HTR2A: variants seen among roughly 807,000 people sequenced by gnomAD.
The protein encoded by HTR2A is 5-HT2 receptor.
Under a neutral mutation model 31.0 loss-of-function variants are expected in HTR2A, and 14 were observed. The ratio of observed to expected loss-of-function variants is 0.45; its 90% CI spans 0.30 to 0.71. HTR2A has a LOEUF of 0.71. Among genes scored for constraint, HTR2A ranks in the 30% least tolerant of loss-of-function variants. HTR2A has a pLI of 0.09. For missense variants in HTR2A, 442 were observed against 573.3 expected (o/e 0.77, Z 2.34); for synonymous variants, 209 against 225.2 (o/e 0.93, Z 0.64).
chr13:46,888,229 C>T (rs1951025111), intron 3 of HTR2A, among the ~76,000 whole-genome samples: 1 of 152,108 alleles, frequency 6.6e-6, no homozygotes, highest in African/African-American at 2.4e-5. Context: ...AGAGTTTTGT[C>T]AAAGTGGCCA....
intron 3 of HTR2A, among the ~76,000 whole-genome samples, chr13:46,850,940 C>A (rs192286751): frequency 6.6e-6 from 1 of 152,156 alleles, no homozygotes; most frequent in Non-Finnish European, 1.5e-5. Context: ...GTGTCCCGTA[C>A]CTGTGCTGAT....
intron 3 of HTR2A, among the ~76,000 whole-genome samples, chr13:46,842,959 C>T (rs1273749770): frequency 6.6e-6 from 1 of 152,132 alleles, no homozygotes; most frequent in Admixed American, 6.5e-5. Context: ...CAGAAATAAA[C>T]AATTCGTAAG....
At position 46,865,164 on chromosome 13, in the gene HTR2A, C is replaced by T. The variant is rs918723634; in HGVS notation, c.613+27226G>A. Among the ~76,000 whole-genome samples, 5 of 152,254 alleles carry T rather than the reference C, an allele frequency of 3.3e-5. No homozygotes were observed. In the East Asian group the frequency reaches 9.6e-4, roughly 29 times the overall value. The stretch of plus-strand genomic sequence containing the variant: ...CCTAGAACATGTTTTGCCACCCTTC[C>T]TCACTCACTTCCTGGTATTATCACT... On this transcript the variant is annotated intron_variant, in intron 3 of 3. Transcript: ENST00000542664.
chr13:46,831,662 C>G lies in HTR2A; in HGVS notation c.*3175G>C, dbSNP rs1391660293. 6.6e-6 allele frequency: 1 copy of G among 152,180 alleles called. No individual in the cohort carries two copies. The allele number at this position is 152,180 out of a possible 1,614,324, so 9.4% of individuals were successfully genotyped here. A position where few individuals can be genotyped will look rare whatever the true frequency, so the allele number is the denominator to read the frequency against. ...TTCACTGTATTTGTTACATATGGCA[C>G]AGAATAATTTAGCACTTTATAAATA... On this transcript the variant is annotated 3_prime_UTR_variant, in exon 4 of 4. Transcript: ENST00000542664.
At chr13:46,890,459 T>C (rs145797519) in intron 3 of HTR2A, among the ~76,000 whole-genome samples, 15 of 152,370 alleles carry the variant, frequency 9.8e-5, no homozygotes, top group African/African-American at 3.4e-4. Context: ...GGCTATCTTT[T>C]GTGCAGTGGA....
At chr13:46,857,905 T>C (rs1233545855) in intron 3 of HTR2A, among the ~76,000 whole-genome samples, 1 of 152,190 alleles carries the variant, frequency 6.6e-6, no homozygotes, top group East Asian at 1.9e-4. Context: ...TAAATGACTT[T>C]AAGCAGAGAA....
chr13:46,885,327 C>G (rs936435641), intron 3 of HTR2A, among the ~76,000 whole-genome samples: 2 of 152,252 alleles, frequency 1.3e-5, no homozygotes, highest in African/African-American at 4.8e-5. Flanking sequence ...GAGAGTTTAT[C>G]ACTCTACTTG....
chr13:46,861,197 C>T (rs1950775848), intron 3 of HTR2A, among the ~76,000 whole-genome samples: 1 of 152,160 alleles, frequency 6.6e-6, no homozygotes. Flanking sequence ...GAGAAAAGCT[C>T]AGAGGCAAGA....
At chr13:46,882,951 GAC>G (rs1950977609) in intron 3 of HTR2A, among the ~76,000 whole-genome samples, 1 of 152,170 alleles carries the variant, frequency 6.6e-6, no homozygotes, top group African/African-American at 2.4e-5. Flanking sequence ...AGGAACCTGA[GAC>G]ACAGAGAGGT....
At chr13:46,866,042 C>T (rs1473752165) in intron 3 of HTR2A, among the ~76,000 whole-genome samples, 1 of 152,194 alleles carries the variant, frequency 6.6e-6, no homozygotes, top group Non-Finnish European at 1.5e-5. Context: ...GTTCTACTAT[C>T]TTTATCTTGC....
In HTR2A at chr13:46,835,166, T is replaced by C; in HGVS notation, c.1087A>G (p.Asn363Asp). ...AGATAACCGATCCAAACAAACACAT[T>C]GAGCAGGGCCCCAATGACATCCTCA... The part of the protein sequence containing the change: ...CNEDVIGALL[N>D]VFVWIGYLSS... Residue 363 changes from asparagine to aspartate, a missense_variant, in exon 4 of 4, where the codon AAT (asparagine) becomes GAT (aspartate). Asn to Asp is a conservative substitution (Grantham distance 23). Coordinates refer to ENST00000542664, the MANE Select transcript of HTR2A (RefSeq NM_000621.5). 1 of 1,614,118 alleles carries C rather than the reference T, an allele frequency of 6.2e-7. No individual in the cohort carries two copies. Among genetic ancestry groups the C allele is most frequent in the Non-Finnish European group, 8.5e-7 (1 of 1,179,992 alleles).
chr13:46,892,393 C>T lies in HTR2A; in HGVS notation c.610G>A (p.Val204Ile), dbSNP rs746403605. 1 of 1,613,830 alleles carries T rather than the reference C, an allele frequency of 6.2e-7. No individual in the cohort carries two copies. The highest frequency in any genetic ancestry group is 8.5e-7 in the Non-Finnish European group (1 of 1,179,666). The change falls in exon 3 of 4, where the codon GTA becomes ATA. Residue 204 changes from valine (V) to isoleucine (I), a missense_variant. Val to Ile is a conservative substitution (Grantham distance 29). This residue lies in a region of HTR2A where 86 missense variants were observed against 179.1 expected (regional missense o/e 0.48). Coordinates refer to ENST00000542664, the MANE Select transcript of HTR2A (RefSeq NM_000621.5). ...LKIIAVWTIS[V>I]GISMPIPVFG... ...TCTGAAATATGTTGCCACTTACCTA[C>T]TGATATGGTCCAAACAGCAATGATT...
intron 2 of HTR2A, among the ~76,000 whole-genome samples, chr13:46,894,432 T>A (rs1027273678): frequency 1.3e-5 from 2 of 152,200 alleles, no homozygotes; most frequent in Non-Finnish European, 2.9e-5. Context: ...ATCATTCCGG[T>A]GTGGCATTTA....
chr13:46,886,332 T>C (rs1053556988), intron 3 of HTR2A, among the ~76,000 whole-genome samples: 3 of 71,752 alleles, frequency 4.2e-5, no homozygotes, highest in African/African-American at 1.6e-4. Context: ...AATTAAGATA[T>C]TGTGCAAGTC....
At chr13:46,858,047 C>T (rs1458508796) in intron 3 of HTR2A, among the ~76,000 whole-genome samples, 1 of 152,036 alleles carries the variant, frequency 6.6e-6, no homozygotes, top group African/African-American at 2.4e-5. Context: ...GTGGGGGACT[C>T]CTAAGACAGT....
chr13:46,837,176 A>G (rs1391161533), intron 3 of HTR2A, among the ~76,000 whole-genome samples: 1 of 152,124 alleles, frequency 6.6e-6, no homozygotes, highest in Non-Finnish European at 1.5e-5. Flanking sequence ...CCACTTGATG[A>G]TAGGACCTTT....
At chr13:46,880,153 A>C (rs530686037) in intron 3 of HTR2A, among the ~76,000 whole-genome samples, 3 of 152,200 alleles carry the variant, frequency 2.0e-5, no homozygotes, top group African/African-American at 2.4e-5. Context: ...GAGTGTAGCA[A>C]CTGTAAAGGC....
chr13:46,890,049 C>A (rs1012899290), intron 3 of HTR2A, among the ~76,000 whole-genome samples: 6 of 152,200 alleles, frequency 3.9e-5, no homozygotes, highest in Admixed American at 3.9e-4. Flanking sequence ...ATGCACATTA[C>A]AAGACTGGTC....
At chr13:46,841,295 C>T (rs917105588) in intron 3 of HTR2A, among the ~76,000 whole-genome samples, 2 of 152,304 alleles carry the variant, frequency 1.3e-5, no homozygotes, top group East Asian at 3.9e-4. Flanking sequence ...CCACCACCCC[C>T]ACCAGTGATT....
Sources: allele counts gnomAD v4.1 joint callset (sites outside exome capture counted in the v4.1 genomes callset), GRCh38; gene constraint gnomAD v4.1.1; regional missense constraint gnomAD v4.1.1; transcripts MANE v1.5; gene names NCBI Gene and HGNC (gene_info 2026-07-23, HGNC 2026-07-21).